Variants in PECAM1 observed in about 807,000 individuals in gnomAD.
PECAM1 encodes the protein platelet and endothelial cell adhesion molecule 1, also known as platelet endothelial cell adhesion molecule.
A neutral mutation model predicts 13.8 loss-of-function variants in PECAM1; 8 were observed. The ratio of observed to expected loss-of-function variants is 0.58; its 90% CI spans 0.34 to 1.05. PECAM1 has a LOEUF of 1.05. Ranked by LOEUF, PECAM1 falls within the 50% of genes least tolerant of loss-of-function variation. PECAM1 has a pLI of 0.03. For missense variants in PECAM1, 304 were observed against 141.2 expected (o/e 2.15, Z -5.84); for synonymous variants, 136 against 52.6 (o/e 2.58, Z -6.86).
chr17:64,348,136 T>C (rs2035628611), intron 13 of PECAM1, 124 bp downstream of exon 13: 1 of 412,796 alleles, frequency 2.4e-6, no homozygotes, highest in African/African-American at 2.0e-5. Flanking sequence ...GGTCTGCTAA[T>C]CACTTCCTTT....
chr17:64,364,756 T>C (rs2036064134), intron 5 of PECAM1, among the ~76,000 whole-genome samples: 1 of 152,048 alleles, frequency 6.6e-6, no homozygotes, highest in Admixed American at 6.6e-5. Context: ...AAAAGGCCTT[T>C]GACAAAATTC....
chr17:64,338,596 T>C (rs1250549189), intron 14 of PECAM1, among the ~76,000 whole-genome samples: 6 of 152,028 alleles, frequency 3.9e-5, no homozygotes, highest in Admixed American at 1.3e-4. Context: ...TCATTCTTGT[T>C]GCCCAGGCTG....
At chr17:64,354,105 A>C (rs1250477294) in intron 9 of PECAM1, among the ~76,000 whole-genome samples, 2 of 151,862 alleles carry the variant, frequency 1.3e-5, no homozygotes, top group African/African-American at 4.8e-5. Context: ...ACGTCTGGCC[A>C]ATTTTTTGTA....
rs895371599 is a variant in PECAM1 at position 64,345,371 on chromosome 17, C to T, written c.2107+2889G>A. On this transcript the variant is annotated intron_variant, in intron 13 of 15. Coordinates refer to ENST00000563924, the MANE Select transcript of PECAM1 (RefSeq NM_000442.5). ...TGTGCTTGTGCTGCCTGCGTAGGGCCTTAATCACAATTTGTTATCTCAACG... is the reference window on the plus strand; with the variant it reads ...TGTGCTTGTGCTGCCTGCGTAGGGCTTTAATCACAATTTGTTATCTCAACG... Among the ~76,000 whole-genome samples the T allele has an allele frequency of 5.6e-3, 852 of 152,168 alleles. 4 individuals carry two copies. The highest frequency in any genetic ancestry group is 0.019 in the African/African-American group (807 of 41,502).
intron 14 of PECAM1, among the ~76,000 whole-genome samples, chr17:64,331,422 G>A (rs1039443212): frequency 6.6e-6 from 1 of 152,184 alleles, no homozygotes; most frequent in African/African-American, 2.4e-5. Context: ...CTGACCTCAG[G>A]TGATCCACTC....
intron 13 of PECAM1, 70 bp downstream of exon 13, chr17:64,348,189 AC>A: frequency 2.1e-6 from 1 of 467,198 alleles, no homozygotes; most frequent in Non-Finnish European, 3.9e-6. Context: ...TGAACACAGC[AC>A]CCCCGCCACC....
At position 64,320,193 on chromosome 17, in the gene PECAM1, G is replaced by C. The variant is rs2034791426; in HGVS notation, c.*3623C>G. ...AACACGCCAATGACGCTGGTGGAGA[G>C]TCTTAAAAACAGCTGTGCTGGGGAG... On this transcript the variant is annotated 3_prime_UTR_variant, in exon 16 of 16. Coordinates refer to ENST00000563924, the MANE Select transcript of PECAM1 (RefSeq NM_000442.5). 6.6e-6 allele frequency: 1 copy of C among 152,236 alleles called. No individual in the cohort carries two copies. The highest frequency in any genetic ancestry group is 1.5e-5 in the Non-Finnish European group (1 of 68,076). 9.4% of individuals were successfully genotyped at this position (152,236 alleles called of 1,614,324 possible).
intron 4 of PECAM1, among the ~76,000 whole-genome samples, chr17:64,372,918 C>T (rs986062887): frequency 1.3e-5 from 2 of 151,002 alleles, no homozygotes; most frequent in Non-Finnish European, 3.0e-5. Flanking sequence ...GAGTCAAGAC[C>T]AGCCTGACCA....
Position 64,334,458 on chromosome 17 carries a change from C to A in PECAM1, c.2165-4736G>T, listed in dbSNP as rs1206498424. On this transcript the variant is annotated intron_variant, in intron 14 of 15. Coordinates refer to ENST00000563924, the MANE Select transcript of PECAM1 (RefSeq NM_000442.5). ...TGAAGGGGAAAGGTCAGCAAAGACTCCGCTCTGCACCCAGCTGGCTCACTG... is the reference window on the plus strand; with the variant it reads ...TGAAGGGGAAAGGTCAGCAAAGACTACGCTCTGCACCCAGCTGGCTCACTG... 1.8e-4 allele frequency among the ~76,000 whole-genome samples: 27 copies of A among 152,222 alleles called. 1 individual carries two copies. The highest frequency in any genetic ancestry group is 6.3e-4 in the African/African-American group (26 of 41,550).
chr17:64,335,494 A>T (rs2035253530), intron 14 of PECAM1, among the ~76,000 whole-genome samples: 1 of 152,238 alleles, frequency 6.6e-6, no homozygotes, highest in Non-Finnish European at 1.5e-5. Flanking sequence ...AATGCAGTCA[A>T]TTGGTTTGGC....
At chr17:64,332,951 G>C (rs991860251) in intron 14 of PECAM1, among the ~76,000 whole-genome samples, 1 of 126,714 alleles carries the variant, frequency 7.9e-6, no homozygotes, top group African/African-American at 2.9e-5. Flanking sequence ...CCAGGAGTTC[G>C]AGACCAGCCT....
At chr17:64,345,789 G>C (rs1019486947) in intron 13 of PECAM1, among the ~76,000 whole-genome samples, 1 of 151,190 alleles carries the variant, frequency 6.6e-6, no homozygotes, top group African/African-American at 2.4e-5. Context: ...GTCCAGTCTA[G>C]ACTTGGAAGT....
At chr17:64,381,069 A>C (rs1435533790) in intron 2 of PECAM1, among the ~76,000 whole-genome samples, 7 of 152,162 alleles carry the variant, frequency 4.6e-5, no homozygotes, top group Non-Finnish European at 1.0e-4. Flanking sequence ...CTCTGGAGGG[A>C]GGGGCTATGG....
At chr17:64,366,872 C>G (rs1478994893) in intron 5 of PECAM1, among the ~76,000 whole-genome samples, 1 of 149,178 alleles carries the variant, frequency 6.7e-6, no homozygotes, top group Non-Finnish European at 1.5e-5. Flanking sequence ...ATACCTAATG[C>G]TAAATGACGA....
intron 2 of PECAM1, among the ~76,000 whole-genome samples, chr17:64,383,988 G>T (rs1042639894): frequency 1.3e-5 from 2 of 152,008 alleles, no homozygotes; most frequent in Non-Finnish European, 1.5e-5. Flanking sequence ...AAAATTAGCC[G>T]GGCATGGTAG....
Position 64,356,638 on chromosome 17 carries a change from C to T in PECAM1, c.1493-240G>A, listed in dbSNP as rs954626401. 3.3e-5 allele frequency among the ~76,000 whole-genome samples: 5 copies of T among 152,116 alleles called. No individual in the cohort carries two copies. The East Asian group carries it at 9.7e-4, about 30-fold the overall frequency. On this transcript the variant is annotated intron_variant, in intron 7 of 15. Transcript: ENST00000563924. ...TGACAGGTGCGCCCACCAGGCCCAG[C>T]TAACTTTTTGGATTTTTTTGTTGTT...
chr17:64,331,199 CT>C (rs10708569), intron 14 of PECAM1, among the ~76,000 whole-genome samples: 77,177 of 142,294 alleles, frequency 0.54, 20,513 homozygotes, highest in East Asian at 0.68. Context: ...ACACCACCTT[CT>C]TTTTTTTTTT....
intron 2 of PECAM1, among the ~76,000 whole-genome samples, chr17:64,387,740 T>A (rs1274309983): frequency 6.6e-6 from 1 of 151,992 alleles, no homozygotes; most frequent in Non-Finnish European, 1.5e-5. Context: ...TCCCTCCAGA[T>A]GACTGTTTTC....
chr17:64,355,333 C>G (rs2035821876), intron 8 of PECAM1, among the ~76,000 whole-genome samples: 1 of 152,198 alleles, frequency 6.6e-6, no homozygotes, highest in African/African-American at 2.4e-5. Context: ...GGGTCTCACT[C>G]TGTCACCCAG....
Sources: gnomAD v4.1 joint callset for allele counts (sites outside exome capture counted in the v4.1 genomes callset) on GRCh38, gnomAD v4.1.1 for gene constraint, MANE v1.5 for transcripts, NCBI Gene and HGNC (gene_info 2026-07-23, HGNC 2026-07-21) for gene names.